Variants in TNS4 observed in about 807,000 individuals in gnomAD.
TNS4 encodes the protein tensin 4, also known as tensin-4.
A neutral mutation model predicts 70.4 loss-of-function variants in TNS4; 46 were observed. The ratio of observed to expected loss-of-function variants is 0.65; its 90% CI spans 0.52 to 0.84. The LOEUF is 0.84. Ranked by LOEUF, TNS4 falls within the 40% of genes least tolerant of loss-of-function variation. The pLI is 0.00. For missense variants in TNS4, 863 were observed against 907.0 expected, an observed-to-expected ratio of 0.95 and a Z score of 0.62; for synonymous variants, 390 against 366.6, an observed-to-expected ratio of 1.06 and a Z score of -0.73.
intron 2 of TNS4, among the ~76,000 whole-genome samples, chr17:40,493,962 C>A (rs2036107870): frequency 6.6e-6 from 1 of 152,282 alleles, no homozygotes; most frequent in Non-Finnish European, 1.5e-5. Context: ...GCCTTTCCTG[C>A]AGTGACATGC....
In TNS4 at chr17:40,477,648, C is replaced by T. The variant is rs776418598; in HGVS notation, c.2088G>A (p.Gln696=). The change falls in exon 13 of 13, where the codon CAG becomes CAA. Residue 696 remains glutamine (Q), a synonymous_variant. Transcript: ENST00000254051. The part of the protein sequence containing the change: ...CHLFAEYDMV[Q]PASQVIGLVT... ...CCAGGCCGATGACCTGCGAGGCTGGCTGGACCATGTCATACTCCGCAAAGA... is the reference window on the plus strand; with the variant it reads ...CCAGGCCGATGACCTGCGAGGCTGGTTGGACCATGTCATACTCCGCAAAGA... 4 of 1,614,134 alleles carry T rather than the reference C, an allele frequency of 2.5e-6. No homozygotes were observed. In the Admixed American group the frequency reaches 6.7e-5, roughly 27 times the overall value.
At chr17:40,486,624 G>A (rs377058764) in intron 4 of TNS4, among the ~76,000 whole-genome samples, 7 of 150,548 alleles carry the variant, frequency 4.6e-5, no homozygotes, top group South Asian at 2.1e-4. Context: ...CCAACATTCC[G>A]GCATTTCCTG....
At position 40,476,101 on chromosome 17, in the gene TNS4, G is replaced by A. The variant is rs1327495869; in HGVS notation, c.*1487C>T. 1 of 152,134 alleles carries A rather than the reference G, an allele frequency of 6.6e-6. No individual in the cohort carries two copies. Among genetic ancestry groups the A allele is most frequent in the Non-Finnish European group, 1.5e-5 (1 of 68,044 alleles). 9.4% of individuals were successfully genotyped at this position (152,134 alleles called of 1,614,324 possible). The stretch of plus-strand genomic sequence containing the variant: ...CTTTGGCAGGGCTGGCTGCTGGGAG[G>A]GGGCAGGCACTTGCTCCTCGTAGAG... On this transcript the variant is annotated 3_prime_UTR_variant, in exon 13 of 13. Transcript: ENST00000254051.
chr17:40,489,834 T>C (rs925560827), intron 2 of TNS4, among the ~76,000 whole-genome samples: 3 of 149,632 alleles, frequency 2.0e-5, no homozygotes, highest in Non-Finnish European at 3.0e-5. Flanking sequence ...TCTCTGTACC[T>C]GCAGTGAAAG....
chr17:40,496,603 T>G, intron 1 of TNS4, 83 bp from the exon 2 acceptor site: 1 of 616,542 alleles, frequency 1.6e-6, no homozygotes, highest in Non-Finnish European at 2.7e-6. Context: ...GGCTAAGTTA[T>G]TCATTCATTT....
chr17:40,499,595 G>A (rs940806720), intron 1 of TNS4, among the ~76,000 whole-genome samples: 1 of 152,260 alleles, frequency 6.6e-6, no homozygotes. Flanking sequence ...CCGTGGCTCC[G>A]GTAGGTCTGA....
intron 8 of TNS4, 99 bp from the exon 9 acceptor site, chr17:40,480,867 C>T: frequency 7.8e-7 from 1 of 1,289,498 alleles, no homozygotes. Flanking sequence ...TTGAAGATCT[C>T]CCACCTCCAC....
chr17:40,499,207 C>G (rs2036180778), intron 1 of TNS4, among the ~76,000 whole-genome samples: 1 of 152,206 alleles, frequency 6.6e-6, no homozygotes, highest in South Asian at 2.1e-4. Context: ...GTGAAAATCC[C>G]TTTCCTGTTT....
At chr17:40,490,526 C>T (rs2036055293) in intron 2 of TNS4, among the ~76,000 whole-genome samples, 1 of 152,212 alleles carries the variant, frequency 6.6e-6, no homozygotes, top group South Asian at 2.1e-4. Flanking sequence ...GGCCCTGGCA[C>T]ATGCACTGTT....
chr17:40,487,570 G>T (rs945106899), intron 3 of TNS4, 110 bp from the exon 4 acceptor site: 54 of 1,155,424 alleles, frequency 4.7e-5, no homozygotes, highest in Non-Finnish European at 6.3e-5. Context: ...AGGCCAAATA[G>T]AACACTGCAT....
At chr17:40,478,771 C>G (rs1247689155) in intron 10 of TNS4, 123 bp from the exon 11 acceptor site, 1 of 1,079,318 alleles carries the variant, frequency 9.3e-7, no homozygotes, top group Non-Finnish European at 1.4e-6. Flanking sequence ...CTGGGTTAGA[C>G]CTTGAAGACC....
intron 2 of TNS4, among the ~76,000 whole-genome samples, chr17:40,492,120 G>T (rs1336692395): frequency 1.3e-5 from 2 of 152,174 alleles, no homozygotes; most frequent in Non-Finnish European, 2.9e-5. Flanking sequence ...CTCAGAAGAG[G>T]AGCCTGCAGG....
chr17:40,479,234 G>A (rs1190375111), intron 10 of TNS4, among the ~76,000 whole-genome samples: 2 of 152,066 alleles, frequency 1.3e-5, no homozygotes, highest in East Asian at 1.9e-4. Flanking sequence ...TACAACCTCC[G>A]CCTCCTGGGT....
intron 6 of TNS4, among the ~76,000 whole-genome samples, chr17:40,482,686 G>T (rs2035942198): frequency 6.6e-6 from 1 of 151,956 alleles, no homozygotes; most frequent in East Asian, 1.9e-4. Context: ...GCTGAGGCAG[G>T]AGAATTGCTT....
rs1287499867 is a variant in TNS4, at chr17:40,487,044, C to G, written c.1280G>C (p.Cys427Ser). ...QTLSDAPFTT[C>S]PEGPARDMQP... ...ATTGGTTTACGACGTACCCTCTGGG[C>G]ATGTGGTAAAGGGGGCATCTGACAG... The change falls in exon 4 of 13, where the codon TGC becomes TCC. Residue 427 changes from cysteine to serine, a missense_variant. By Grantham distance (112) the Cys-to-Ser change is moderately radical. Transcript: ENST00000254051. The G allele has an allele frequency of 6.2e-7, 1 of 1,613,642 alleles. No homozygotes were observed. Among genetic ancestry groups the G allele is most frequent in the East Asian group, 2.2e-5 (1 of 44,882 alleles).
At chr17:40,500,058 A>T (rs1307508782) in intron 1 of TNS4, among the ~76,000 whole-genome samples, 13 of 152,218 alleles carry the variant, frequency 8.5e-5, no homozygotes, top group Non-Finnish European at 1.5e-5. Context: ...CTCTCTGAGG[A>T]GGGTGCTATT....
chr17:40,500,529 C>T (rs1360005962), intron 1 of TNS4, among the ~76,000 whole-genome samples: 2 of 152,116 alleles, frequency 1.3e-5, no homozygotes, highest in Admixed American at 1.3e-4. Context: ...TTTGTAGGTG[C>T]CCCCTACCCG....
intron 6 of TNS4, among the ~76,000 whole-genome samples, chr17:40,483,179 GC>G (rs2035949164): frequency 6.6e-6 from 1 of 152,074 alleles, no homozygotes; most frequent in Non-Finnish European, 1.5e-5. Flanking sequence ...CTGAGCTCAA[GC>G]AGTTCTCCTG....
At chr17:40,482,726 C>G (rs1174190489) in intron 6 of TNS4, among the ~76,000 whole-genome samples, 1 of 151,448 alleles carries the variant, frequency 6.6e-6, no homozygotes, top group African/African-American at 2.4e-5. Flanking sequence ...TGCAGTGAGC[C>G]GAGATTGTGC....
Sources: allele counts gnomAD v4.1 joint callset (sites outside exome capture counted in the v4.1 genomes callset), GRCh38; gene constraint gnomAD v4.1.1; transcripts MANE v1.5; gene names NCBI Gene and HGNC (gene_info 2026-07-23, HGNC 2026-07-21).